POLQ: variants seen among roughly 807,000 people sequenced by gnomAD.
POLQ encodes the protein DNA polymerase theta, also known as epididymis secretory sperm binding protein.
POLQ carries 233 observed loss-of-function variants against 259.2 expected under a neutral mutation model. The ratio of observed to expected loss-of-function variants is 0.90; its 90% CI spans 0.81 to 1.00. The LOEUF (loss-of-function observed/expected upper bound fraction) is 1.00. POLQ is among the 50% of genes least tolerant of loss of function. POLQ has a pLI of 0.00. For missense variants in POLQ, 2,871 were observed against 3,051.6 expected (o/e 0.94, Z 1.39); for synonymous variants, 1,025 against 1,048.8 (o/e 0.98, Z 0.44).
At chr3:121,443,603 T>A (rs1332658172) in intron 26 of POLQ, among the ~76,000 whole-genome samples, 1 of 152,208 alleles carries the variant, frequency 6.6e-6, no homozygotes, top group Non-Finnish European at 1.5e-5. Flanking sequence ...TTAAACCTGA[T>A]GTGATCTCAT....
intron 23 of POLQ, among the ~76,000 whole-genome samples, chr3:121,467,952 G>A (rs368098523): frequency 1.3e-5 from 2 of 152,166 alleles, no homozygotes; most frequent in Admixed American, 6.5e-5. Context: ...AGGATTGCTC[G>A]AGCCCAGGAG....
Position 121,490,102 on chromosome 3 carries a change from T to C in POLQ, c.2829A>G (p.Ile943Met). 1.9e-6 allele frequency: 3 copies of C among 1,599,694 alleles called. No homozygotes were observed. The highest frequency in any genetic ancestry group is 2.6e-6 in the Non-Finnish European group (3 of 1,170,774). ...AATGCTTAATATAAGAATCACTAAA[T>C]ATTGTGTTACTTTTGTTCTTTGATG... ...KLTSKNKSNT[I>M]FSDSYIKHSP... is the part of the protein sequence containing the mutation. The change falls in exon 16 of 30, where the codon ATA (isoleucine) becomes ATG (methionine). Residue 943 changes from isoleucine to methionine, a missense_variant. Transcript: ENST00000264233.
In POLQ at chr3:121,489,119, G is replaced by A. The variant is rs2048040766; in HGVS notation, c.3812C>T (p.Ser1271Leu). The A allele has an allele frequency of 2.5e-6, 4 of 1,613,598 alleles. No individual in the cohort carries two copies. Among genetic ancestry groups the A allele is most frequent in the Non-Finnish European group, 3.4e-6 (4 of 1,179,604 alleles). The change falls in exon 16 of 30, where the codon TCA becomes TTA. Residue 1271 changes from serine to leucine, a missense_variant. Ser to Leu is a moderately radical substitution (Grantham distance 145). This residue lies in a region of POLQ where 2,080 missense variants were observed against 2,126.0 expected (regional missense o/e 0.98). Transcript: ENST00000264233. ...RTVIPSEVLPSAGAFSKSEGQ... is the reference protein window; with the variant it reads ...RTVIPSEVLPLAGAFSKSEGQ... ...TTCTGATTTGCTAAATGCTCCAGCT[G>A]ATGGAAGTACTTCACTGGGTATCAC...
chr3:121,490,434 G>A (rs2048059027), intron 15 of POLQ, 26 bp from the exon 16 acceptor site: 1 of 1,570,448 alleles, frequency 6.4e-7, no homozygotes, highest in Non-Finnish European at 8.7e-7. Context: ...GGAAAAGACA[G>A]AAATGAATTC....
At chr3:121,434,488 A>G (rs576997635) in intron 28 of POLQ, among the ~76,000 whole-genome samples, 82 of 152,228 alleles carry the variant, frequency 5.4e-4, no homozygotes, top group Non-Finnish European at 9.4e-4. Context: ...CACACAGCAC[A>G]GTATTACTCC....
intron 7 of POLQ, among the ~76,000 whole-genome samples, chr3:121,522,866 G>A (rs928889405): frequency 4.6e-5 from 7 of 152,138 alleles, no homozygotes; most frequent in African/African-American, 1.4e-4. Flanking sequence ...CTCAAGGTGT[G>A]TACCACCAAC....
At chr3:121,465,042 A>G (rs893115401) in intron 24 of POLQ, among the ~76,000 whole-genome samples, 1 of 151,696 alleles carries the variant, frequency 6.6e-6, no homozygotes, top group Non-Finnish European at 1.5e-5. Flanking sequence ...TTAAAAAATG[A>G]GTTTCTGGTA....
At position 121,488,037 on chromosome 3, in the gene POLQ, A is replaced by C. The variant is rs1172647261; in HGVS notation, c.4894T>G (p.Ser1632Ala). 6.2e-7 allele frequency: 1 copy of C among 1,613,802 alleles called. No individual in the cohort carries two copies. Among genetic ancestry groups the C allele is most frequent in the Non-Finnish European group, 8.5e-7 (1 of 1,179,892 alleles). The change falls in exon 16 of 30, where the codon TCA becomes GCA. Residue 1632 changes from serine (S) to alanine (A), a missense_variant. Physicochemically the swap from Ser to Ala is moderately conservative, Grantham distance 99. Transcript: ENST00000264233. ...GTRQNHSFIW[S>A]GASFDLSPGL... is the part of the protein sequence containing the mutation. Reference sequence around the variant, plus strand: ...GGACTTAGATCAAATGATGCCCCTGACCATATGAATGAATGATTTTGCCTG... The same window carrying C: ...GGACTTAGATCAAATGATGCCCCTGCCCATATGAATGAATGATTTTGCCTG...
At chr3:121,501,716 A>C (rs1003573349) in intron 12 of POLQ, among the ~76,000 whole-genome samples, 1 of 147,418 alleles carries the variant, frequency 6.8e-6, no homozygotes, top group African/African-American at 2.5e-5. Flanking sequence ...GCAGCGGCTC[A>C]TGCCTGTAAT....
At chr3:121,434,305 C>T (rs939683332) in intron 28 of POLQ, among the ~76,000 whole-genome samples, 2 of 152,312 alleles carry the variant, frequency 1.3e-5, no homozygotes, top group South Asian at 4.1e-4. Flanking sequence ...GCCATATCGC[C>T]TTCCACTGAC....
intron 12 of POLQ, among the ~76,000 whole-genome samples, chr3:121,501,806 C>T (rs975925955): frequency 4.0e-5 from 6 of 150,408 alleles, no homozygotes; most frequent in Non-Finnish European, 4.4e-5. Flanking sequence ...GTCAACATGG[C>T]GAAACCCTGT....
chr3:121,454,801 C>T (rs1172811442), intron 25 of POLQ, among the ~76,000 whole-genome samples: 1 of 152,176 alleles, frequency 6.6e-6, no homozygotes, highest in Non-Finnish European at 1.5e-5. Flanking sequence ...TAACACCCCA[C>T]TATCAACATT....
At chr3:121,460,757 T>C (rs1174687645) in intron 24 of POLQ, among the ~76,000 whole-genome samples, 1 of 152,028 alleles carries the variant, frequency 6.6e-6, no homozygotes, top group Non-Finnish European at 1.5e-5. Flanking sequence ...ACAAAGTCAT[T>C]CAGTGAAAAA....
intron 2 of POLQ, among the ~76,000 whole-genome samples, chr3:121,543,297 T>A (rs1222957105): frequency 1.3e-5 from 2 of 152,200 alleles, no homozygotes; most frequent in African/African-American, 4.8e-5. Context: ...AAGTATTTTA[T>A]TTTTTGTAAT....
At chr3:121,545,377 G>T (rs1305910310) in intron 1 of POLQ, among the ~76,000 whole-genome samples, 7 of 152,140 alleles carry the variant, frequency 4.6e-5, no homozygotes, top group Non-Finnish European at 1.0e-4. Context: ...CCGTACTCCA[G>T]GCCCAACAAT....
intron 26 of POLQ, among the ~76,000 whole-genome samples, chr3:121,441,395 C>T (rs1377419123): frequency 1.3e-5 from 2 of 152,146 alleles, no homozygotes; most frequent in African/African-American, 4.8e-5. Flanking sequence ...TACAGTCAGG[C>T]CCCATGATCA....
At chr3:121,523,782 G>A (rs887423327) in intron 7 of POLQ, among the ~76,000 whole-genome samples, 2 of 152,002 alleles carry the variant, frequency 1.3e-5, no homozygotes, top group African/African-American at 4.8e-5. Context: ...ATTATTATAT[G>A]TCAGTTGAAA....
rs200558435 is a variant in POLQ, at chr3:121,465,451, T to TA, written c.6967+2067dup. Among the ~76,000 whole-genome samples the TA allele has an allele frequency of 7.9e-3, 1,205 of 152,302 alleles. 13 individuals carry two copies. The highest frequency in any genetic ancestry group is 0.028 in the African/African-American group (1,163 of 41,560). On this transcript the variant is annotated intron_variant, in intron 24 of 29. Coordinates refer to ENST00000264233, the MANE Select transcript of POLQ (RefSeq NM_199420.4). Reference sequence around the variant, plus strand: ...GCGTGTGATCTACTTTTTCAAAACATAAGTTTTATAAAATCAAGCATACCT... The same window carrying TA: ...GCGTGTGATCTACTTTTTCAAAACATAAAGTTTTATAAAATCAAGCATACCT...
chr3:121,472,961 T>C (rs1247197059), intron 21 of POLQ, among the ~76,000 whole-genome samples: 1 of 152,210 alleles, frequency 6.6e-6, no homozygotes, highest in Non-Finnish European at 1.5e-5. Flanking sequence ...CAGTGGCTCA[T>C]GCCTGTAATC....
Sources: gnomAD v4.1 joint callset for allele counts (sites outside exome capture counted in the v4.1 genomes callset) on GRCh38, gnomAD v4.1.1 for gene constraint, gnomAD v4.1.1 regional missense constraint, MANE v1.5 for transcripts, NCBI Gene and HGNC (gene_info 2026-07-23, HGNC 2026-07-21) for gene names.